Variants in DPP6 observed in about 807,000 individuals in gnomAD.
The protein encoded by DPP6 is dipeptidyl peptidase like 6.
DPP6 carries 69 observed loss-of-function variants against 122.6 expected under a neutral mutation model. That is an observed-to-expected ratio of 0.56 (90% CI 0.46 to 0.69). DPP6 has a LOEUF of 0.69. Ranked by LOEUF, DPP6 falls within the 30% of genes least tolerant of loss-of-function variation. The probability of loss-of-function intolerance (pLI) is 0.00; values close to 1 mark genes in which losing one functional copy is unlikely to be tolerated. For missense variants in DPP6, 928 were observed against 1,116.9 expected, an observed-to-expected ratio of 0.83 and a Z score of 2.41; for synonymous variants, 418 against 433.1, an observed-to-expected ratio of 0.97 and a Z score of 0.43.
intron 8 of DPP6, among the ~76,000 whole-genome samples, chr7:154,750,499 C>T (rs73498058): frequency 0.017 from 2,592 of 152,302 alleles, 43 homozygotes; most frequent in African/African-American, 0.043. Context: ...CGTGGGAAGG[C>T]AAAACACTCT....
chr7:154,045,656 C>T (rs1184515888), intron 1 of DPP6, among the ~76,000 whole-genome samples: 1 of 152,184 alleles, frequency 6.6e-6, no homozygotes, highest in Non-Finnish European at 1.5e-5. Context: ...CATTTGCAAG[C>T]TAGTGGTTTC....
intron 1 of DPP6, among the ~76,000 whole-genome samples, chr7:154,191,703 C>T (rs564987103): frequency 6.8e-4 from 103 of 152,242 alleles, no homozygotes; most frequent in African/African-American, 2.2e-3. Flanking sequence ...AGGAATGCGT[C>T]GAGTCTGTTT....
At chr7:154,327,757 T>C (rs577563249) in intron 1 of DPP6, among the ~76,000 whole-genome samples, 1 of 152,288 alleles carries the variant, frequency 6.6e-6, no homozygotes, top group African/African-American at 2.4e-5. Flanking sequence ...GACACATTCT[T>C]TCCTCTATTA....
At chr7:154,721,293 A>T (rs1187821983) in intron 7 of DPP6, among the ~76,000 whole-genome samples, 1 of 152,176 alleles carries the variant, frequency 6.6e-6, no homozygotes, top group East Asian at 1.9e-4. Context: ...CAAGGCATTT[A>T]ACTGCCTCGT....
intron 1 of DPP6, among the ~76,000 whole-genome samples, chr7:153,973,844 C>T (rs571747325): frequency 2.7e-5 from 4 of 147,032 alleles, no homozygotes; most frequent in African/African-American, 1.0e-4. Context: ...TTGCACTGTT[C>T]ATTTTTAGTA....
intron 1 of DPP6, among the ~76,000 whole-genome samples, chr7:153,907,883 C>G (rs769013161): frequency 1.3e-5 from 2 of 152,088 alleles, no homozygotes; most frequent in Non-Finnish European, 2.9e-5. Context: ...GGAACGCTGA[C>G]TGATACACTA....
intron 1 of DPP6, among the ~76,000 whole-genome samples, chr7:154,440,734 A>G (rs1286537013): frequency 3.9e-5 from 6 of 152,182 alleles, no homozygotes; most frequent in Admixed American, 3.9e-4. Flanking sequence ...TATGAGAGAA[A>G]TAATTTACTT....
chr7:154,437,394 G>A (rs185454842), intron 1 of DPP6, among the ~76,000 whole-genome samples: 4 of 152,214 alleles, frequency 2.6e-5, no homozygotes, highest in East Asian at 3.9e-4. Context: ...TTTGAGACCC[G>A]TGAACATTCT....
intron 1 of DPP6, among the ~76,000 whole-genome samples, chr7:154,065,136 T>C (rs1468610265): frequency 1.4e-4 from 21 of 152,020 alleles, no homozygotes; most frequent in Admixed American, 9.8e-4. Context: ...TCCTCACCAT[T>C]GTCACTATCT....
chr7:153,864,240 A>C, the DPP6 span, among the ~76,000 whole-genome samples: 40 of 152,210 alleles, frequency 2.6e-4, no homozygotes, highest in African/African-American at 9.6e-4. Context: ...CCTTTGCATC[A>C]CTTGTTATTA....
chr7:154,551,591 G>T (rs184063999), intron 4 of DPP6, among the ~76,000 whole-genome samples: 1 of 152,040 alleles, frequency 6.6e-6, no homozygotes, highest in Non-Finnish European at 1.5e-5. Context: ...AAATCAATTG[G>T]TATCATTCAT....
intron 1 of DPP6, among the ~76,000 whole-genome samples, chr7:154,194,355 T>A (rs562992882): frequency 6.6e-6 from 1 of 152,292 alleles, no homozygotes; most frequent in Admixed American, 6.5e-5. Flanking sequence ...AGATGCATAT[T>A]TTTTTCTCTT....
At chr7:154,530,249 T>C (rs897792010) in intron 3 of DPP6, among the ~76,000 whole-genome samples, 1 of 152,108 alleles carries the variant, frequency 6.6e-6, no homozygotes. Context: ...TTATGTGTAA[T>C]TAAAATTCTA....
At chr7:154,625,672 C>T (rs952884461) in intron 5 of DPP6, among the ~76,000 whole-genome samples, 7 of 152,202 alleles carry the variant, frequency 4.6e-5, no homozygotes, top group African/African-American at 1.7e-4. Flanking sequence ...AGGTGAAATA[C>T]AGCAGGGAAG....
At chr7:154,881,423 G>A (rs1387033819) in intron 21 of DPP6, among the ~76,000 whole-genome samples, 1 of 152,184 alleles carries the variant, frequency 6.6e-6, no homozygotes, top group African/African-American at 2.4e-5. Flanking sequence ...TGTAGCCTGG[G>A]ACAGCTCAGC....
chr7:154,143,122 G>A (rs891838481), intron 1 of DPP6, among the ~76,000 whole-genome samples: 2 of 150,488 alleles, frequency 1.3e-5, no homozygotes, highest in Admixed American at 6.6e-5. Flanking sequence ...TAGGATTACA[G>A]GTTATTCAAG....
intron 1 of DPP6, 31 bp from the exon 2 acceptor site, chr7:154,446,183 C>A: frequency 7.2e-7 from 1 of 1,397,854 alleles, no homozygotes; most frequent in Non-Finnish European, 1.0e-6. Flanking sequence ...ATTTCACTCA[C>A]TGGGGTTTTC....
chr7:154,145,257 T>A (rs1796032262), intron 1 of DPP6, among the ~76,000 whole-genome samples: 1 of 152,170 alleles, frequency 6.6e-6, no homozygotes, highest in South Asian at 2.1e-4. Context: ...AGACTTTGGA[T>A]GGCCTCTAGG....
the DPP6 span, among the ~76,000 whole-genome samples, chr7:153,865,856 T>G: frequency 7.5e-6 from 1 of 133,850 alleles, no homozygotes; most frequent in Non-Finnish European, 1.5e-5. Flanking sequence ...CCTGTGTCCA[T>G]GTGTTCTCAT....
Sources: gnomAD v4.1 joint callset for allele counts (sites outside exome capture counted in the v4.1 genomes callset) on GRCh38, gnomAD v4.1.1 for gene constraint, MANE v1.5 for transcripts, NCBI Gene and HGNC (gene_info 2026-07-23, HGNC 2026-07-21) for gene names.